Variants in DNAH11 observed in about 807,000 individuals in gnomAD.
DNAH11 encodes the protein dynein axonemal heavy chain 11.
In DNAH11, 442 loss-of-function variants were observed where a neutral mutation model predicts 526.0. The observed-to-expected ratio is 0.84, with a 90% CI of 0.78 to 0.91. The LOEUF is 0.91. Among genes scored for constraint, DNAH11 ranks in the 40% least tolerant of loss-of-function variants. The probability of loss-of-function intolerance (pLI) is 0.00; values close to 1 mark genes in which losing one functional copy is unlikely to be tolerated. For missense variants in DNAH11, 6,989 were observed against 5,448.7 expected, an observed-to-expected ratio of 1.28 and a Z score of -8.90; for synonymous variants, 2,461 against 1,935.9, an observed-to-expected ratio of 1.27 and a Z score of -7.12.
intron 66 of DNAH11, among the ~76,000 whole-genome samples, chr7:21,843,771 G>A (rs59942532): frequency 1.8e-3 from 270 of 152,196 alleles, no homozygotes; most frequent in African/African-American, 6.3e-3. Context: ...GAGCCACCAC[G>A]CCCGGCCATG....
intron 6 of DNAH11, among the ~76,000 whole-genome samples, chr7:21,565,009 G>A (rs1225142194): frequency 2.6e-5 from 4 of 152,188 alleles, no homozygotes; most frequent in Non-Finnish European, 5.9e-5. Flanking sequence ...CATAATTTGA[G>A]AGGTAAAAGA....
At chr7:21,857,994 C>G (rs1417265153) in intron 68 of DNAH11, among the ~76,000 whole-genome samples, 2 of 151,198 alleles carry the variant, frequency 1.3e-5, no homozygotes, top group African/African-American at 4.9e-5. Context: ...AGGCCACAGA[C>G]AAGCAAAGAC....
At chr7:21,718,918 G>A (rs1210379998) in intron 43 of DNAH11, among the ~76,000 whole-genome samples, 1 of 152,136 alleles carries the variant, frequency 6.6e-6, no homozygotes, top group African/African-American at 2.4e-5. Context: ...ATTATCTGAG[G>A]TATAATTTAT....
rs1426023686 is a variant in DNAH11, at chr7:21,738,115, T to C, written c.7646-586T>C. Among the ~76,000 whole-genome samples the C allele has an allele frequency of 2.0e-5, 3 of 152,168 alleles. No homozygotes were observed. In the East Asian group the frequency reaches 5.8e-4, roughly 29 times the overall value. On this transcript the variant is annotated intron_variant, in intron 46 of 81. Coordinates refer to ENST00000409508, the MANE Select transcript of DNAH11 (RefSeq NM_001277115.2). ...ATACTACATCTCAGACACGCACTGT[T>C]CTGGATTTTCTTCACCCAGGACTTT...
chr7:21,613,310 TTAAA>T (rs946213319), intron 20 of DNAH11, among the ~76,000 whole-genome samples: 1 of 151,920 alleles, frequency 6.6e-6, no homozygotes, highest in Admixed American at 6.6e-5. Flanking sequence ...AATTAGATTA[TTAAA>T]TAAAAAGGTA....
At chr7:21,558,220 TTC>T (rs1387423775) in intron 2 of DNAH11, among the ~76,000 whole-genome samples, 1 of 152,178 alleles carries the variant, frequency 6.6e-6, no homozygotes, top group Non-Finnish European at 1.5e-5. Context: ...TAATGCAGCA[TTC>T]TCTTATTAAT....
At chr7:21,703,122 T>C (rs1000064719) in intron 37 of DNAH11, among the ~76,000 whole-genome samples, 16 of 152,124 alleles carry the variant, frequency 1.1e-4, no homozygotes, top group African/African-American at 3.9e-4. Context: ...AGAAATCTGA[T>C]TGAATTGGGA....
At chr7:21,684,951 A>G (rs1228001171) in intron 32 of DNAH11, among the ~76,000 whole-genome samples, 1 of 152,138 alleles carries the variant, frequency 6.6e-6, no homozygotes, top group African/African-American at 2.4e-5. Context: ...ATCCACTATC[A>G]CCGAAGTGTA....
intron 74 of DNAH11, among the ~76,000 whole-genome samples, chr7:21,875,896 T>C (rs1783689869): frequency 6.9e-6 from 1 of 145,524 alleles, no homozygotes; most frequent in African/African-American, 2.6e-5. Flanking sequence ...TTTTTTTTTT[T>C]TTTTTGAGAC....
intron 28 of DNAH11, among the ~76,000 whole-genome samples, chr7:21,643,513 C>T (rs982751429): frequency 6.6e-6 from 1 of 152,210 alleles, no homozygotes; most frequent in Non-Finnish European, 1.5e-5. Flanking sequence ...TCTACTTGTG[C>T]TTCTCATGGG....
chr7:21,702,603 G>C, intron 36 of DNAH11, 107 bp from the exon 37 acceptor site: 1 of 805,742 alleles, frequency 1.2e-6, no homozygotes, highest in Non-Finnish European at 2.1e-6. Context: ...TCATTAAAGT[G>C]TGTATTTATC....
chr7:21,895,797 T>C (rs907313422), intron 79 of DNAH11, among the ~76,000 whole-genome samples: 1 of 152,182 alleles, frequency 6.6e-6, no homozygotes, highest in Non-Finnish European at 1.5e-5. Flanking sequence ...TGGCGCGATC[T>C]CGGCTCACTG....
Position 21,690,828 on chromosome 7 carries a change from C to A in DNAH11, c.5988C>A (p.Asn1996Lys), listed in dbSNP as rs759903911. ...CAGTTGGAATATTTATTACTATGAA[C>A]CCGGGTTATGCTGGTCGAACCGAAT... ...KPSVGIFITM[N>K]PGYAGRTELP... Residue 1996 changes from asparagine to lysine, a missense_variant, in exon 35 of 82, where the codon AAC (asparagine) becomes AAA (lysine). Transcript: ENST00000409508. 6 of 1,612,814 alleles carry A rather than the reference C, an allele frequency of 3.7e-6. No homozygotes were observed. The South Asian group carries it at 6.6e-5, about 18-fold the overall frequency.
At chr7:21,815,612 A>G (rs1789747958) in intron 63 of DNAH11, among the ~76,000 whole-genome samples, 1 of 152,096 alleles carries the variant, frequency 6.6e-6, no homozygotes, top group South Asian at 2.1e-4. Flanking sequence ...GCATGCTTCC[A>G]TGTTAACCAC....
rs544467652 is a variant in DNAH11, at chr7:21,698,093, C to G, written c.6060C>G (p.Ala2020=). ...TTTTTAGACCCTGTGCCATGGTGGC[C>G]CCTGACATTGAGCTAATCTGTGAAA... The part of the protein sequence containing the change: ...KALFRPCAMV[A]PDIELICEIL... Residue 2020 remains alanine (A), a synonymous_variant, in exon 36 of 82, where the codon GCC becomes GCG. Transcript: ENST00000409508. The G allele has an allele frequency of 6.2e-6, 10 of 1,612,688 alleles. No homozygotes were observed. In the South Asian group the frequency reaches 8.8e-5, roughly 14 times the overall value.
chr7:21,779,549 C>G (rs1787847767), intron 57 of DNAH11, among the ~76,000 whole-genome samples: 1 of 152,112 alleles, frequency 6.6e-6, no homozygotes, highest in Admixed American at 6.5e-5. Context: ...ATTATTAAGT[C>G]CTAAGCTAAA....
intron 30 of DNAH11, among the ~76,000 whole-genome samples, chr7:21,677,072 A>G (rs1404117596): frequency 6.6e-6 from 1 of 152,202 alleles, no homozygotes; most frequent in Non-Finnish European, 1.5e-5. Flanking sequence ...AGCAGTGAAC[A>G]TATTAGACAT....
chr7:21,891,216 C>G (rs1366709952), intron 76 of DNAH11, among the ~76,000 whole-genome samples: 2 of 152,180 alleles, frequency 1.3e-5, no homozygotes, highest in African/African-American at 2.4e-5. Flanking sequence ...AGAATATTCA[C>G]TTTGTCTCCA....
At chr7:21,678,755 T>C (rs1783012846) in intron 30 of DNAH11, among the ~76,000 whole-genome samples, 1 of 152,200 alleles carries the variant, frequency 6.6e-6, no homozygotes, top group Non-Finnish European at 1.5e-5. Flanking sequence ...GTTTTCAGTG[T>C]ATGGATCTTT....
Sources: gnomAD v4.1 joint callset for allele counts (sites outside exome capture counted in the v4.1 genomes callset) on GRCh38, gnomAD v4.1.1 for gene constraint, MANE v1.5 for transcripts, NCBI Gene and HGNC (gene_info 2026-07-23, HGNC 2026-07-21) for gene names.